Variants in COPA observed in about 807,000 individuals in gnomAD.
The protein encoded by COPA is coat protein complex I subunit alpha, also known as coatomer subunit alpha.
A neutral mutation model predicts 158.7 loss-of-function variants in COPA; 10 were observed. The ratio of observed to expected loss-of-function variants is 0.06; its 90% CI spans 0.04 to 0.11. The LOEUF (loss-of-function observed/expected upper bound fraction) is 0.11. Ranked by LOEUF, COPA falls within the 10% of genes least tolerant of loss-of-function variation. The pLI is 1.00. For synonymous variants in COPA, 462 were observed against 542.8 expected (o/e 0.85, Z 2.07); for missense variants, 1,065 against 1,536.7 (o/e 0.69, Z 5.13).
chr1:160,333,477 T>C (rs1370752484), intron 5 of COPA, 126 bp downstream of exon 5: 1 of 612,264 alleles, frequency 1.6e-6, no homozygotes, highest in African/African-American at 1.9e-5. Flanking sequence ...ATCCTACAAA[T>C]ACAATCAGTA....
At chr1:160,321,484 A>C (rs1358522908) in intron 8 of COPA, among the ~76,000 whole-genome samples, 1 of 151,634 alleles carries the variant, frequency 6.6e-6, no homozygotes, top group Non-Finnish European at 1.5e-5. Context: ...ATACAAAATC[A>C]ACATACAAAA....
At chr1:160,292,688 GGT>G (rs1353709270) in intron 27 of COPA, 68 bp from the exon 28 acceptor site, 22 of 1,329,894 alleles carry the variant, frequency 1.7e-5, no homozygotes, top group Non-Finnish European at 2.3e-5. Context: ...CCTTGGGCAA[GGT>G]AATTAATTTC....
At chr1:160,302,996 A>C (rs548593944) in intron 17 of COPA, among the ~76,000 whole-genome samples, 36 of 152,002 alleles carry the variant, frequency 2.4e-4, no homozygotes, top group African/African-American at 8.7e-4. Context: ...AATATGGTGA[A>C]ACCCCATCTC....
In COPA at chr1:160,289,180, A is replaced by C. The variant is rs1353482491; in HGVS notation, c.*977T>G. ...AATAGTGGATGTTTATTTTGTAATT[A>C]AAAATTATTACTGGAAGGAAGATAT... On this transcript the variant is annotated 3_prime_UTR_variant, in exon 33 of 33. Transcript: ENST00000241704. 6.6e-6 allele frequency: 1 copy of C among 151,182 alleles called. No individual in the cohort carries two copies. Among genetic ancestry groups the C allele is most frequent in the Admixed American group, 6.6e-5 (1 of 15,224 alleles). The allele number at this position is 151,182 out of a possible 1,614,324, so 9.4% of individuals were successfully genotyped here.
At chr1:160,317,583 A>G (rs1224773237) in intron 8 of COPA, 15 of 1,590,780 alleles carry the variant, frequency 9.4e-6, no homozygotes, top group Non-Finnish European at 1.1e-5. Context: ...CAATGAATTC[A>G]TTCAGGTTTC....
rs113700978 is a variant in COPA at position 160,312,163 on chromosome 1, T to C, written c.926-145A>G. The stretch of plus-strand genomic sequence containing the variant: ...TATTTGCCTAAATTCTCACAATTCT[T>C]GGAATCTTTATTTAAATAATTCTCT... On this transcript the variant is annotated intron_variant, in intron 10 of 32. Coordinates refer to ENST00000241704, the MANE Select transcript of COPA (RefSeq NM_004371.4). 2.1e-3 allele frequency: 1,562 copies of C among 750,626 alleles called. 23 individuals are homozygous for C. In the African/African-American group the frequency reaches 0.024, roughly 12 times the overall value. The allele number at this position is 750,626 out of a possible 1,614,324, so 46.5% of individuals were successfully genotyped here.
Position 160,293,409 on chromosome 1 carries a change from T to A in COPA, c.2731A>T (p.Thr911Ser). Residue 911 changes from threonine to serine, a missense_variant, in exon 26 of 33, where the codon ACC becomes TCC. Thr to Ser is a moderately conservative substitution (Grantham distance 58). Coordinates refer to ENST00000241704, the MANE Select transcript of COPA (RefSeq NM_004371.4). ...GAEDGFFVPP[T>S]KGTSPTQIWC... ...ACCTGAGTTGGACTTGTTCCCTTGG[T>A]TGGGGGCACAAAGAAACCATCTTCA... 6.2e-7 allele frequency: 1 copy of A among 1,612,982 alleles called. No homozygotes were observed. The highest frequency in any genetic ancestry group is 8.5e-7 in the Non-Finnish European group (1 of 1,179,668).
intron 5 of COPA, 30 bp downstream of exon 5, chr1:160,333,571 ACT>A (rs757275570): frequency 4.7e-6 from 7 of 1,497,222 alleles, no homozygotes; most frequent in Non-Finnish European, 5.5e-6. Context: ...AAAAATGAAG[ACT>A]CTTTTCGAGC....
At chr1:160,330,660 G>C (rs1647469526) in intron 6 of COPA, among the ~76,000 whole-genome samples, 1 of 152,102 alleles carries the variant, frequency 6.6e-6, no homozygotes, top group African/African-American at 2.4e-5. Flanking sequence ...TGGTCTATAA[G>C]AACAAGTGCC....
intron 17 of COPA, among the ~76,000 whole-genome samples, chr1:160,304,046 C>T (rs1020154833): frequency 3.3e-5 from 5 of 151,686 alleles, no homozygotes; most frequent in South Asian, 2.1e-4. Context: ...GACAGAGTTT[C>T]GCTCGTTGCC....
chr1:160,327,574 G>A (rs766379986), intron 6 of COPA, among the ~76,000 whole-genome samples: 1 of 143,460 alleles, frequency 7.0e-6, no homozygotes, highest in Non-Finnish European at 1.5e-5. Context: ...AAAAAAAAAG[G>A]AGGCTGGGCA....
intron 8 of COPA, among the ~76,000 whole-genome samples, chr1:160,315,970 A>AT (rs1219224760): frequency 1.3e-5 from 2 of 152,248 alleles, no homozygotes; most frequent in Non-Finnish European, 2.9e-5. Flanking sequence ...ACAGAAACAC[A>AT]TTTGCTGAAA....
chr1:160,303,804 TG>T (rs1445094998), intron 17 of COPA, among the ~76,000 whole-genome samples: 1 of 151,820 alleles, frequency 6.6e-6, no homozygotes, highest in Non-Finnish European at 1.5e-5. Flanking sequence ...AGGACTGACA[TG>T]CAAAAAAGAA....
intron 1 of COPA, among the ~76,000 whole-genome samples, chr1:160,342,500 A>G (rs1303563622): frequency 6.6e-6 from 1 of 152,214 alleles, no homozygotes; most frequent in East Asian, 1.9e-4. Flanking sequence ...AACTTCTGGT[A>G]AGCAACGACA....
chr1:160,306,065 A>T, intron 15 of COPA: 1 of 568,008 alleles, frequency 1.8e-6, no homozygotes, highest in Non-Finnish European at 3.1e-6. Flanking sequence ...TAAATGTAGG[A>T]ACTATGTTAT....
chr1:160,339,959 G>A lies in COPA; in HGVS notation c.178C>T (p.His60Tyr). 6.2e-7 allele frequency: 1 copy of A among 1,614,110 alleles called. No individual in the cohort carries two copies. The highest frequency in any genetic ancestry group is 8.5e-7 in the Non-Finnish European group (1 of 1,179,978). The change falls in exon 3 of 33, where the codon CAT (histidine) becomes TAT (tyrosine). Residue 60 changes from histidine to tyrosine, a missense_variant. His to Tyr is a moderately conservative substitution (Grantham distance 83). This residue lies in a region of COPA where 85 missense variants were observed against 178.9 expected (regional missense o/e 0.48). Coordinates refer to ENST00000241704, the MANE Select transcript of COPA (RefSeq NM_004371.4). ...GAGACGAACAGTGGCTGCTGCTTAT[G>A]GAAGTCAATGCCTCGCACTGGACCT... ...HDGPVRGIDF[H>Y]KQQPLFVSGG...
At chr1:160,305,841 C>T in intron 15 of COPA, 68 bp from the exon 16 acceptor site, 1 of 1,230,366 alleles carries the variant, frequency 8.1e-7, no homozygotes. Flanking sequence ...TGATCTACAT[C>T]AATTGCACCC....
chr1:160,306,601 T>G (rs1658792856), intron 14 of COPA, 108 bp from the exon 15 acceptor site: 1 of 1,402,566 alleles, frequency 7.1e-7, no homozygotes, highest in Non-Finnish European at 1.0e-6. Context: ...TAACTAAGTA[T>G]TTTTTGTCCT....
rs1658307180 is a variant in COPA at position 160,293,454 on chromosome 1, G to A, written c.2686C>T (p.Pro896Ser). 8 of 1,596,272 alleles carry A rather than the reference G, an allele frequency of 5.0e-6. No homozygotes were observed. Among genetic ancestry groups the A allele is most frequent in the Non-Finnish European group, 6.8e-6 (8 of 1,174,620 alleles). Reference protein sequence around the residue: ...LELPPELDISPGAAGGAEDGF... With the variant: ...LELPPELDISSGAAGGAEDGF... Reference sequence around the variant, plus strand: ...TCTTCAGCCCCACCAGCTGCCCCAGGGGATATATCCTAGGGGAAAAACAAA... The same window carrying A: ...TCTTCAGCCCCACCAGCTGCCCCAGAGGATATATCCTAGGGGAAAAACAAA... The change falls in exon 26 of 33, where the codon CCT (proline) becomes TCT (serine). Residue 896 changes from proline to serine, a missense_variant. By Grantham distance (74) the Pro-to-Ser change is moderately conservative (BLOSUM62 -1). This residue lies in a region of COPA where 980 missense variants were observed against 1,357.8 expected (regional missense o/e 0.72). Transcript: ENST00000241704.
Sources: allele counts gnomAD v4.1 joint callset (sites outside exome capture counted in the v4.1 genomes callset), GRCh38; gene constraint gnomAD v4.1.1; regional missense constraint gnomAD v4.1.1; transcripts MANE v1.5; gene names NCBI Gene and HGNC (gene_info 2026-07-23, HGNC 2026-07-21).